Variants in WDR33 observed in about 807,000 individuals in gnomAD.
The protein encoded by WDR33 is pre-mRNA 3' end processing protein WDR33.
Under a neutral mutation model 164.9 loss-of-function variants are expected in WDR33, and 47 were observed. That is an observed-to-expected ratio of 0.29 (90% CI 0.23 to 0.36). WDR33 has a LOEUF of 0.36. Ranked by LOEUF, WDR33 falls within the 10% of genes least tolerant of loss-of-function variation. The pLI, the probability that WDR33 is intolerant of heterozygous loss-of-function variation, is 1.00. For synonymous variants in WDR33, 505 were observed against 589.0 expected (o/e 0.86, Z 2.06); for missense variants, 1,137 against 1,754.1 (o/e 0.65, Z 6.28).
At chr2:127,795,852 C>T (rs1316557634) in intron 1 of WDR33, among the ~76,000 whole-genome samples, 1 of 150,784 alleles carries the variant, frequency 6.6e-6, no homozygotes, top group Non-Finnish European at 1.5e-5. Flanking sequence ...AAAAAACTGT[C>T]TTGAAACCTC....
intron 1 of WDR33, among the ~76,000 whole-genome samples, chr2:127,805,785 C>G (rs1016078892): frequency 6.6e-6 from 1 of 152,174 alleles, no homozygotes; most frequent in Non-Finnish European, 1.5e-5. Context: ...AAAAATCTGG[C>G]AGAAAGTAAG....
intron 7 of WDR33, 182 bp downstream of exon 7, chr2:127,762,880 A>G (rs2105432989): frequency 7.1e-7 from 1 of 1,409,484 alleles, no homozygotes. Context: ...CACTGGTAGT[A>G]AAAACCTACA....
chr2:127,794,188 AAAGT>A (rs1343754995), intron 1 of WDR33, among the ~76,000 whole-genome samples: 8 of 29,800 alleles, frequency 2.7e-4, no homozygotes, highest in African/African-American at 6.3e-4. Flanking sequence ...GACAAGAAAG[AAAGT>A]AAGCAAGCAA....
At position 127,806,104 on chromosome 2, in the gene WDR33, C is replaced by G. The variant is rs1366267879; in HGVS notation, c.-24+4908G>C. Among the ~76,000 whole-genome samples, 3 of 151,486 alleles carry G rather than the reference C, an allele frequency of 2.0e-5. No homozygotes were observed. In the South Asian group the frequency reaches 6.3e-4, roughly 32 times the overall value. On this transcript the variant is annotated intron_variant, in intron 1 of 21. Transcript: ENST00000322313. ...TCCAACCTGGATGACAAAGTAAGAC[C>G]CTGTCTCAAAATAAACAAAATTTTA...
At chr2:127,729,205 G>C (rs1201241439) in intron 7 of WDR33, among the ~76,000 whole-genome samples, 5 of 152,158 alleles carry the variant, frequency 3.3e-5, no homozygotes, top group African/African-American at 1.2e-4. Flanking sequence ...TATGTGTAGC[G>C]ACTCATTTTA....
chr2:127,725,006 T>A, intron 9 of WDR33, 41 bp from the exon 10 acceptor site: 1 of 1,613,946 alleles, frequency 6.2e-7, no homozygotes, highest in Non-Finnish European at 8.5e-7. Flanking sequence ...ATTATCAGGA[T>A]CTGAGAATGT....
rs949012242 is a variant in WDR33 at position 127,712,938 on chromosome 2, G to A, written c.3308+645C>T. Among the ~76,000 whole-genome samples, 4 of 152,030 alleles carry A rather than the reference G, an allele frequency of 2.6e-5. No homozygotes were observed. Among genetic ancestry groups the A allele is most frequent in the African/African-American group, 4.8e-5 (2 of 41,398 alleles). ...CCCAGCTAATTAAAAAATTTTTTTT[G>A]TAGAGATGGAGTTACACTATGTCGT... On this transcript the variant is annotated intron_variant, in intron 18 of 21. Transcript: ENST00000322313. The surrounding 1 kb of genome is among the most constrained non-coding windows in gnomAD (Gnocchi z 4.0).
chr2:127,743,490 T>A (rs536823974), intron 7 of WDR33, among the ~76,000 whole-genome samples: 2 of 152,336 alleles, frequency 1.3e-5, no homozygotes, highest in South Asian at 2.1e-4. Flanking sequence ...ATCAATAGTA[T>A]CATTCATAGC....
chr2:127,808,435 A>G (rs10194026), intron 1 of WDR33, among the ~76,000 whole-genome samples: 3,238 of 152,294 alleles, frequency 0.021, 123 homozygotes, highest in African/African-American at 0.075. Flanking sequence ...TGAGTACAAG[A>G]TACAATACAA....
At position 127,721,339 on chromosome 2, in the gene WDR33, CTCAGGTGATCTG is replaced by C. The variant is rs1459163751; in HGVS notation, c.1671+485_1671+496del. Among the ~76,000 whole-genome samples the C allele has an allele frequency of 1.3e-5, 2 of 151,940 alleles. No homozygotes were observed. The highest frequency in any genetic ancestry group is 2.9e-5 in the Non-Finnish European group (2 of 67,972). On this transcript the variant is annotated intron_variant, in intron 15 of 21. Coordinates refer to ENST00000322313, the MANE Select transcript of WDR33 (RefSeq NM_018383.5). The surrounding 1 kb of genome is among the most constrained non-coding windows in gnomAD (Gnocchi z 4.9). ...ACCATGCTGGTCTCAAACTCCTGAT[CTCAGGTGATCTG>C]TCTGCCTCGGCCTCCCAAAGTGCTG...
At chr2:127,779,821 C>T (rs1457254533) in intron 1 of WDR33, among the ~76,000 whole-genome samples, 1 of 152,208 alleles carries the variant, frequency 6.6e-6, no homozygotes, top group Non-Finnish European at 1.5e-5. Context: ...ACAATTCCTA[C>T]CATGTCAGCC....
chr2:127,788,400 G>A (rs1392358692), intron 1 of WDR33, among the ~76,000 whole-genome samples: 5 of 121,334 alleles, frequency 4.1e-5, no homozygotes, highest in African/African-American at 1.7e-4. Context: ...CCTCCCGGAC[G>A]GGGCGGCTGG....
chr2:127,701,318 G>A lies in WDR33; in HGVS notation c.*5005C>T, dbSNP rs187851210. The A allele has an allele frequency of 1.9e-3, 719 of 383,904 alleles. 17 individuals carry two copies. The Admixed American group carries it at 0.029, about 15-fold the overall frequency. The allele number at this position is 383,904 out of a possible 1,614,324, so 23.8% of individuals were successfully genotyped here. ...AAGGAAGAGGGTCAGGCGCTGGGAG[G>A]GCGACTGCAAGCGGACAGGCAGCAC... On this transcript the variant is annotated 3_prime_UTR_variant, in exon 22 of 22. Transcript: ENST00000322313.
In WDR33 at chr2:127,720,601, G is replaced by C. The variant is rs188356108; in HGVS notation, c.1672-248C>G. On this transcript the variant is annotated intron_variant, in intron 15 of 21. Coordinates refer to ENST00000322313, the MANE Select transcript of WDR33 (RefSeq NM_018383.5). The surrounding 1 kb of genome is among the most constrained non-coding windows in gnomAD (Gnocchi z 5.9). Reference sequence around the variant, plus strand: ...TTTTTTTTCCTTATTTTTTTTTTCTGTCCCCCAAGCTGGAATGCAGTGGTA... The same window carrying C: ...TTTTTTTTCCTTATTTTTTTTTTCTCTCCCCCAAGCTGGAATGCAGTGGTA... Among the ~76,000 whole-genome samples the C allele has an allele frequency of 6.8e-6, 1 of 147,008 alleles. No individual in the cohort carries two copies. Among genetic ancestry groups the C allele is most frequent in the African/African-American group, 2.5e-5 (1 of 39,700 alleles).
chr2:127,788,428 C>G (rs1361408629), intron 1 of WDR33, among the ~76,000 whole-genome samples: 3 of 126,338 alleles, frequency 2.4e-5, no homozygotes, highest in African/African-American at 6.4e-5. Flanking sequence ...GAGGGCTGAC[C>G]CCCCCCACCT....
chr2:127,807,299 C>T (rs1401801299), intron 1 of WDR33, among the ~76,000 whole-genome samples: 1 of 152,166 alleles, frequency 6.6e-6, no homozygotes, highest in Non-Finnish European at 1.5e-5. Flanking sequence ...AGCCACTGCA[C>T]CTGGCTTGAA....
chr2:127,721,473 G>A lies in WDR33; in HGVS notation c.1671+363C>T, dbSNP rs1256292972. On this transcript the variant is annotated intron_variant, in intron 15 of 21. Coordinates refer to ENST00000322313, the MANE Select transcript of WDR33 (RefSeq NM_018383.5). This position sits in a 1 kb window ranked among gnomAD's most constrained non-coding sequence, Gnocchi z 4.9. ...TCACTTAAAAAAAAATTAGTCAGAC[G>A]TGATGGTGCATGCCTGTGGTCTCTG... is the stretch of plus-strand genomic sequence containing the variant. 1.3e-5 allele frequency among the ~76,000 whole-genome samples: 2 copies of A among 152,126 alleles called. No homozygotes were observed. The highest frequency in any genetic ancestry group is 2.4e-5 in the African/African-American group (1 of 41,426).
intron 1 of WDR33, among the ~76,000 whole-genome samples, chr2:127,797,280 T>G (rs905007230): frequency 6.6e-5 from 10 of 151,874 alleles, no homozygotes; most frequent in African/African-American, 2.4e-4. Context: ...GATCATGAGG[T>G]CAGAAGTTCG....
Position 127,764,406 on chromosome 2 carries a change from CT to C in WDR33, c.626+421del. 4 of 1,444,232 alleles carry C rather than the reference CT, an allele frequency of 2.8e-6. No individual in the cohort carries two copies. The highest frequency in any genetic ancestry group is 3.6e-6 in the Non-Finnish European group (4 of 1,101,504). 89.5% of individuals were successfully genotyped at this position (1,444,232 alleles called of 1,614,324 possible). ...AAGCCAACCAGGTCTTCACTTAAGC[CT>C]TTTTCCACTTTGTGTGAATTCTGAA... On this transcript the variant is annotated intron_variant, in intron 6 of 21. Transcript: ENST00000322313. The surrounding 1 kb of genome is among the most constrained non-coding windows in gnomAD (Gnocchi z 6.2).
Sources: gnomAD v4.1 joint callset for allele counts (sites outside exome capture counted in the v4.1 genomes callset) on GRCh38, gnomAD v4.1.1 for gene constraint, Gnocchi (gnomAD v3.1) non-coding constraint, MANE v1.5 for transcripts, NCBI Gene and HGNC (gene_info 2026-07-23, HGNC 2026-07-21) for gene names.